NCALD: variants seen among roughly 807,000 people sequenced by gnomAD.
The protein encoded by NCALD is neurocalcin delta, also known as neurocalcin-delta.
In NCALD, 10 loss-of-function variants were observed where a neutral mutation model predicts 18.6. That is an observed-to-expected ratio of 0.54 (90% CI 0.33 to 0.91). NCALD has a LOEUF of 0.91. Among genes scored for constraint, NCALD ranks in the 40% least tolerant of loss-of-function variants. The pLI, the probability that NCALD is intolerant of heterozygous loss-of-function variation, is 0.03. For synonymous variants in NCALD, 88 were observed against 87.4 expected (o/e 1.01, Z -0.04); for missense variants, 184 against 247.6 (o/e 0.74, Z 1.72).
chr8:101,891,919 G>A (rs979006461), intron 3 of NCALD, among the ~76,000 whole-genome samples: 19 of 152,286 alleles, frequency 1.2e-4, no homozygotes, highest in East Asian at 3.9e-4. Flanking sequence ...ACTGCAAGGC[G>A]GCAGCGAGGC....
chr8:101,981,199 T>C (rs529219290), intron 2 of NCALD, among the ~76,000 whole-genome samples: 5 of 152,354 alleles, frequency 3.3e-5, no homozygotes, highest in African/African-American at 1.2e-4. Flanking sequence ...CGTTGGTTTA[T>C]TACCAGGTTT....
chr8:102,002,908 G>A (rs1299028292), intron 2 of NCALD, among the ~76,000 whole-genome samples: 1 of 151,842 alleles, frequency 6.6e-6, no homozygotes, highest in Non-Finnish European at 1.5e-5. Flanking sequence ...AGCACTAAGG[G>A]CCCACAAGAG....
At chr8:101,911,361 CTTTTTTT>C (rs56017823) in intron 3 of NCALD, among the ~76,000 whole-genome samples, 5,428 of 137,708 alleles carry the variant, frequency 0.039, 218 homozygotes, top group African/African-American at 0.11. Context: ...TTTTTCTTTT[CTTTTTTT>C]TTTTTTTGAG....
rs142981603 is a variant in NCALD at position 101,828,213 on chromosome 8, G to A, written c.-20+58928C>T. Among the ~76,000 whole-genome samples, 865 of 152,238 alleles carry A rather than the reference G, an allele frequency of 5.7e-3. 11 individuals are homozygous for A. The highest frequency in any genetic ancestry group is 0.018 in the African/African-American group (760 of 41,526). ...CCTGTTAAAACATGAGGCAGACCAT[G>A]TCATGGCCTCTGCATGGAAGGAACC... On this transcript the variant is annotated intron_variant, in intron 4 of 6. Transcript: ENST00000311028.
intron 1 of NCALD, among the ~76,000 whole-genome samples, chr8:102,101,551 G>A (rs1825283121): frequency 6.6e-6 from 1 of 152,172 alleles, no homozygotes; most frequent in Non-Finnish European, 1.5e-5. Flanking sequence ...GGAAGGCCTA[G>A]GAATATATCG....
chr8:102,038,276 ACT>A (rs778831087), intron 1 of NCALD, among the ~76,000 whole-genome samples: 2 of 152,054 alleles, frequency 1.3e-5, no homozygotes, highest in Non-Finnish European at 2.9e-5. Flanking sequence ...TCCCACACAG[ACT>A]CTGCCCACGC....
At chr8:101,714,883 G>A (rs1377576936) in intron 2 of NCALD, among the ~76,000 whole-genome samples, 2 of 150,800 alleles carry the variant, frequency 1.3e-5, no homozygotes, top group South Asian at 2.1e-4. Context: ...TGTAGTCCCA[G>A]CTACTCGGGA....
At chr8:101,837,114 T>C (rs954411431) in intron 4 of NCALD, among the ~76,000 whole-genome samples, 1 of 152,200 alleles carries the variant, frequency 6.6e-6, no homozygotes, top group South Asian at 2.1e-4. Context: ...AGGGGAACTC[T>C]CCATTGCCAA....
chr8:102,061,264 G>A (rs1480346725), intron 1 of NCALD, among the ~76,000 whole-genome samples: 2 of 152,182 alleles, frequency 1.3e-5, no homozygotes, highest in African/African-American at 2.4e-5. Flanking sequence ...GAGCCCCCCA[G>A]GGTGAATGGA....
At position 101,990,275 on chromosome 8, in the gene NCALD, T is replaced by C. The variant is rs761681217; in HGVS notation, c.-157+29962A>G. ...GATGATAGCCTTGAGAGAGAAATTA[T>C]GGGCAAGACCTAGGAGGTACAATGA... On this transcript the variant is annotated intron_variant, in intron 2 of 6. Transcript: ENST00000311028. 4.6e-5 allele frequency among the ~76,000 whole-genome samples: 7 copies of C among 152,208 alleles called. 1 individual carries two copies. The highest frequency in any genetic ancestry group is 2.0e-4 in the Admixed American group (3 of 15,284).
chr8:101,939,452 A>G (rs1157806078), intron 2 of NCALD, among the ~76,000 whole-genome samples: 1 of 152,190 alleles, frequency 6.6e-6, no homozygotes, highest in Non-Finnish European at 1.5e-5. Context: ...TGTCTCCCCA[A>G]TCCTTTCAAT....
intron 4 of NCALD, among the ~76,000 whole-genome samples, chr8:101,819,395 T>C (rs1299317176): frequency 1.3e-5 from 2 of 152,002 alleles, no homozygotes; most frequent in Admixed American, 1.3e-4. Context: ...ATTTTAAAGA[T>C]GTATTTGTTT....
At chr8:101,926,921 A>G (rs1181077376) in intron 2 of NCALD, among the ~76,000 whole-genome samples, 1 of 152,158 alleles carries the variant, frequency 6.6e-6, no homozygotes, top group African/African-American at 2.4e-5. Context: ...TTGTTCCTAT[A>G]CCATACAAAG....
At chr8:101,690,247 C>T (rs1814662913) in intron 3 of NCALD, 2 of 985,282 alleles carry the variant, frequency 2.0e-6, no homozygotes, top group Admixed American at 6.2e-5. Context: ...TTTTCCCATT[C>T]CTGGTGCTTC....
At chr8:102,035,264 TGTAATAAC>T (rs1466337532) in intron 1 of NCALD, among the ~76,000 whole-genome samples, 3 of 152,202 alleles carry the variant, frequency 2.0e-5, no homozygotes, top group Admixed American at 6.5e-5. Context: ...GGACTCTTCC[TGTAATAAC>T]AAAGCTCTTC....
intron 1 of NCALD, among the ~76,000 whole-genome samples, chr8:102,091,597 G>T (rs1824925150): frequency 6.6e-6 from 1 of 152,276 alleles, no homozygotes; most frequent in South Asian, 2.1e-4. Flanking sequence ...ATTTACTTGG[G>T]ATAATTTTAC....
chr8:101,709,131 C>T (rs936952970), intron 2 of NCALD, among the ~76,000 whole-genome samples: 2 of 152,180 alleles, frequency 1.3e-5, no homozygotes, highest in Admixed American at 1.3e-4. Flanking sequence ...GGCTCACAGG[C>T]CCCATTACAG....
rs1813241660 is a variant in NCALD at position 101,809,851 on chromosome 8, C to CT, written c.-20+77289dup. Among the ~76,000 whole-genome samples, 5 of 152,084 alleles carry CT rather than the reference C, an allele frequency of 3.3e-5. No individual in the cohort carries two copies. In the South Asian group the frequency reaches 6.3e-4, roughly 19 times the overall value. On this transcript the variant is annotated intron_variant, in intron 4 of 6. Transcript: ENST00000311028. Reference sequence around the variant, plus strand: ...TGAACCACCGCACTTGGCCTGCTCTCTTTTTTTTAAAGATTGTTTCAAGAC... The same window carrying CT: ...TGAACCACCGCACTTGGCCTGCTCTCTTTTTTTTTAAAGATTGTTTCAAGAC...
chr8:101,722,864 G>A (rs1563696457), intron 1 of NCALD, among the ~76,000 whole-genome samples: 1 of 152,158 alleles, frequency 6.6e-6, no homozygotes, highest in African/African-American at 2.4e-5. Flanking sequence ...TTGGGAAAAC[G>A]AGTGTTCACA....
Sources: allele counts gnomAD v4.1 joint callset (sites outside exome capture counted in the v4.1 genomes callset), GRCh38; gene constraint gnomAD v4.1.1; transcripts MANE v1.5; gene names NCBI Gene and HGNC (gene_info 2026-07-23, HGNC 2026-07-21).